MSI2: variants seen among roughly 807,000 people sequenced by gnomAD.
The protein encoded by MSI2 is musashi RNA binding protein 2.
Under a neutral mutation model 45.6 loss-of-function variants are expected in MSI2, and 17 were observed. That is an observed-to-expected ratio of 0.37 (90% CI 0.26 to 0.56). MSI2 has a LOEUF of 0.56. MSI2 is among the 20% of genes least tolerant of loss of function. MSI2 has a pLI of 0.77. For synonymous variants in MSI2, 156 were observed against 158.2 expected (o/e 0.99, Z 0.11); for missense variants, 293 against 444.2 (o/e 0.66, Z 3.06).
At chr17:57,587,283 G>C (rs1904382786) in intron 7 of MSI2, among the ~76,000 whole-genome samples, 1 of 152,008 alleles carries the variant, frequency 6.6e-6, no homozygotes, top group Non-Finnish European at 1.5e-5. Context: ...TGAAACACTT[G>C]CTGGTTCATG....
At chr17:57,417,571 A>G (rs547575672) in intron 6 of MSI2, among the ~76,000 whole-genome samples, 1 of 152,202 alleles carries the variant, frequency 6.6e-6, no homozygotes, top group South Asian at 2.1e-4. Flanking sequence ...AGAAGCCACA[A>G]GGCAGGTCTG....
At chr17:57,401,351 C>G in intron 5 of MSI2, 28 bp from the exon 6 acceptor site, 1 of 1,586,774 alleles carries the variant, frequency 6.3e-7, no homozygotes, top group Non-Finnish European at 8.7e-7. Context: ...CTGGTTAACC[C>G]ATGCCTTTCT....
intron 5 of MSI2, among the ~76,000 whole-genome samples, chr17:57,347,408 T>C (rs1361189875): frequency 6.6e-6 from 1 of 152,212 alleles, no homozygotes; most frequent in Non-Finnish European, 1.5e-5. Context: ...AGCACCACTT[T>C]TCAAATTTTA....
In MSI2 at chr17:57,503,956, G is replaced by A. The variant is rs550614197; in HGVS notation, c.406-25720G>A. Among the ~76,000 whole-genome samples the A allele has an allele frequency of 5.1e-4, 77 of 152,228 alleles. No individual in the cohort carries two copies. In the South Asian group the frequency reaches 7.3e-3, roughly 14 times the overall value. On this transcript the variant is annotated intron_variant, in intron 6 of 13. Transcript: ENST00000284073. The stretch of plus-strand genomic sequence containing the variant: ...GATGCATGTTGGTCACGCTGGTCTC[G>A]AACTCCTGACCTCATGATCTGCCCG...
chr17:57,474,650 C>G (rs919181202), intron 6 of MSI2, among the ~76,000 whole-genome samples: 9 of 152,126 alleles, frequency 5.9e-5, no homozygotes, highest in Non-Finnish European at 1.3e-4. Flanking sequence ...CAGTGCCTGC[C>G]CCATGCTGTT....
intron 7 of MSI2, among the ~76,000 whole-genome samples, chr17:57,580,487 C>T (rs1054517869): frequency 5.3e-5 from 8 of 152,234 alleles, no homozygotes; most frequent in African/African-American, 1.7e-4. Flanking sequence ...CCTTCCACCC[C>T]GGCATTCTGT....
chr17:57,390,941 G>A (rs549323287), intron 5 of MSI2, among the ~76,000 whole-genome samples: 1 of 152,332 alleles, frequency 6.6e-6, no homozygotes, highest in African/African-American at 2.4e-5. Context: ...AGGACTCAGA[G>A]GTTCCCCAAG....
At chr17:57,317,671 C>CG (rs1567753804) in intron 5 of MSI2, among the ~76,000 whole-genome samples, 1 of 151,814 alleles carries the variant, frequency 6.6e-6, no homozygotes, top group African/African-American at 2.4e-5. Flanking sequence ...TTTTGACACA[C>CG]GGAATAGATA....
chr17:57,534,726 A>G (rs2086888181), intron 7 of MSI2, among the ~76,000 whole-genome samples: 2 of 152,128 alleles, frequency 1.3e-5, no homozygotes, highest in South Asian at 4.1e-4. Context: ...ACAAAAATAT[A>G]AAACAAAAAC....
At chr17:57,405,025 G>A (rs1367912395) in intron 6 of MSI2, among the ~76,000 whole-genome samples, 1 of 152,122 alleles carries the variant, frequency 6.6e-6, no homozygotes, top group Non-Finnish European at 1.5e-5. Context: ...ACCCAGGGGT[G>A]AAGATGGCAT....
chr17:57,323,420 A>T (rs1913509270), intron 5 of MSI2, among the ~76,000 whole-genome samples: 5 of 152,226 alleles, frequency 3.3e-5, no homozygotes, highest in Admixed American at 3.3e-4. Context: ...GAGCTCAGGG[A>T]ATCTCCAGGG....
intron 7 of MSI2, among the ~76,000 whole-genome samples, chr17:57,546,785 C>G (rs568696248): frequency 6.6e-6 from 1 of 152,350 alleles, no homozygotes; most frequent in South Asian, 2.1e-4. Context: ...AGAGGTACAT[C>G]TGTGCTTGAG....
intron 6 of MSI2, among the ~76,000 whole-genome samples, chr17:57,409,711 G>A (rs1226061253): frequency 6.6e-6 from 1 of 152,126 alleles, no homozygotes; most frequent in Non-Finnish European, 1.5e-5. Flanking sequence ...GTGGGAGACA[G>A]ATGAAAGAGT....
chr17:57,540,365 G>C (rs1326498760), intron 7 of MSI2, among the ~76,000 whole-genome samples: 3 of 152,188 alleles, frequency 2.0e-5, no homozygotes, highest in Non-Finnish European at 1.5e-5. Flanking sequence ...ACCCTAGATG[G>C]CTGCTGGCAG....
intron 5 of MSI2, among the ~76,000 whole-genome samples, chr17:57,396,194 C>T (rs1470263618): frequency 1.3e-5 from 2 of 152,076 alleles, no homozygotes; most frequent in African/African-American, 4.8e-5. Flanking sequence ...AGAGCCATTT[C>T]CTGCCTTTTC....
chr17:57,359,576 T>C (rs972263935), intron 5 of MSI2, among the ~76,000 whole-genome samples: 3 of 152,174 alleles, frequency 2.0e-5, no homozygotes, highest in Non-Finnish European at 4.4e-5. Flanking sequence ...TAGCACTTGA[T>C]GGCAAAGTTT....
chr17:57,592,132 A>G (rs1009235703), intron 7 of MSI2, among the ~76,000 whole-genome samples: 1 of 151,584 alleles, frequency 6.6e-6, no homozygotes, highest in African/African-American at 2.4e-5. Flanking sequence ...AGATCGCGCC[A>G]CTGCACTCCA....
chr17:57,322,603 C>T (rs895377663), intron 5 of MSI2, among the ~76,000 whole-genome samples: 29 of 152,110 alleles, frequency 1.9e-4, no homozygotes, highest in African/African-American at 6.8e-4. Context: ...AAACAACAAA[C>T]CACGTACCAC....
intron 11 of MSI2, among the ~76,000 whole-genome samples, chr17:57,667,738 T>C (rs1180454853): frequency 6.6e-6 from 1 of 152,200 alleles, no homozygotes; most frequent in Non-Finnish European, 1.5e-5. Context: ...CCACAGCCCA[T>C]TCAAGGCTGC....
Sources: gnomAD v4.1 joint callset for allele counts (sites outside exome capture counted in the v4.1 genomes callset) on GRCh38, gnomAD v4.1.1 for gene constraint, MANE v1.5 for transcripts, NCBI Gene and HGNC (gene_info 2026-07-23, HGNC 2026-07-21) for gene names.